CFAP77: variants seen among roughly 807,000 people sequenced by gnomAD.
CFAP77 encodes the protein cilia- and flagella-associated protein 77.
Under a neutral mutation model 31.1 loss-of-function variants are expected in CFAP77, and 25 were observed. The ratio of observed to expected loss-of-function variants is 0.80; its 90% CI spans 0.59 to 1.12. The LOEUF (loss-of-function observed/expected upper bound fraction) is 1.12. CFAP77 is among the 50% of genes most tolerant of loss of function. The pLI, the probability that CFAP77 is intolerant of heterozygous loss-of-function variation, is 0.00. For missense variants in CFAP77, 377 were observed against 397.3 expected (o/e 0.95, Z 0.44); for synonymous variants, 151 against 159.9 (o/e 0.94, Z 0.42).
At chr9:132,525,494 G>T (rs1852342794) in intron 3 of CFAP77, among the ~76,000 whole-genome samples, 1 of 152,124 alleles carries the variant, frequency 6.6e-6, no homozygotes, top group South Asian at 2.1e-4. Flanking sequence ...TCTTCACCCA[G>T]TTCCCCACAA....
chr9:132,544,161 C>T (rs971340052), intron 5 of CFAP77, among the ~76,000 whole-genome samples: 1 of 152,262 alleles, frequency 6.6e-6, no homozygotes, highest in Admixed American at 6.5e-5. Flanking sequence ...GCTCTGCCCC[C>T]CCTTGACGCG....
intron 3 of CFAP77, among the ~76,000 whole-genome samples, chr9:132,534,447 C>T (rs1173000038): frequency 6.6e-6 from 1 of 151,824 alleles, no homozygotes; most frequent in African/African-American, 2.4e-5. Context: ...CCCACCTCTA[C>T]TAAAAATATG....
At chr9:132,438,541 A>ATATATATATATATATATTT in intron 1 of CFAP77, among the ~76,000 whole-genome samples, 2 of 108,126 alleles carry the variant, frequency 1.8e-5, no homozygotes, top group Non-Finnish European at 3.6e-5. Context: ...ATATATATAT[A>ATATATATATATATATATTT]TTTTTTTTTT....
chr9:132,421,861 G>A (rs1314398444), intron 1 of CFAP77, among the ~76,000 whole-genome samples: 1 of 152,246 alleles, frequency 6.6e-6, no homozygotes, highest in Non-Finnish European at 1.5e-5. Context: ...CTCACTAGAT[G>A]TCTCTAAGCC....
intron 5 of CFAP77, among the ~76,000 whole-genome samples, chr9:132,559,722 G>T (rs1423931928): frequency 1.3e-5 from 2 of 152,140 alleles, no homozygotes; most frequent in Admixed American, 1.3e-4. Flanking sequence ...CACAAAAACT[G>T]TACATGAATG....
At chr9:132,550,044 C>T (rs1589921075) in intron 5 of CFAP77, among the ~76,000 whole-genome samples, 2 of 152,114 alleles carry the variant, frequency 1.3e-5, no homozygotes, top group Admixed American at 1.3e-4. Flanking sequence ...GGGGGAATAG[C>T]GGCCAAGTTC....
intron 1 of CFAP77, among the ~76,000 whole-genome samples, chr9:132,479,222 A>T (rs963395095): frequency 2.6e-5 from 4 of 152,200 alleles, no homozygotes; most frequent in Admixed American, 2.6e-4. Flanking sequence ...ATGGCATCTA[A>T]GAAGCCACCC....
At position 132,565,235 on chromosome 9, in the gene CFAP77, T is replaced by C. The variant is rs1198519559; in HGVS notation, c.733-7153T>C. Reference sequence around the variant, plus strand: ...CCTGGAATTCACCCCCATTCCTCCTTTGCCCCTTCCTTTGCCCCTGGCTTG... The same window carrying C: ...CCTGGAATTCACCCCCATTCCTCCTCTGCCCCTTCCTTTGCCCCTGGCTTG... On this transcript the variant is annotated intron_variant, in intron 5 of 5. Transcript: ENST00000393216. This position sits in a 1 kb window ranked among gnomAD's most constrained non-coding sequence, Gnocchi z 4.1. Among the ~76,000 whole-genome samples, 1 of 151,758 alleles carries C rather than the reference T, an allele frequency of 6.6e-6. No homozygotes were observed. The highest frequency in any genetic ancestry group is 1.5e-5 in the Non-Finnish European group (1 of 67,962).
intron 5 of CFAP77, among the ~76,000 whole-genome samples, chr9:132,549,742 G>A (rs1447858954): frequency 6.6e-6 from 1 of 152,174 alleles, no homozygotes; most frequent in Non-Finnish European, 1.5e-5. Context: ...GTGGGGCTGA[G>A]GCAGAAGAAT....
At chr9:132,520,527 C>T (rs1168290878) in intron 3 of CFAP77, among the ~76,000 whole-genome samples, 2 of 152,118 alleles carry the variant, frequency 1.3e-5, no homozygotes, top group South Asian at 2.1e-4. Flanking sequence ...GTGTTGTAGT[C>T]CCAGCTACTC....
At chr9:132,485,773 C>T (rs1851529948) in intron 1 of CFAP77, among the ~76,000 whole-genome samples, 1 of 151,564 alleles carries the variant, frequency 6.6e-6, no homozygotes, top group Admixed American at 6.6e-5. Flanking sequence ...AGCCTATTGT[C>T]CCCATAACAG....
chr9:132,537,707 G>A lies in CFAP77; in HGVS notation c.630+1G>A. ...CATCAAACTGGAGAAGAAGCAGAAG[G>A]TAAATGCAGCCCTCGCTCCCAAGTT... On this transcript the variant is annotated splice_donor_variant, in intron 4 of 5. Transcript: ENST00000393216. LOFTEE classifies it high-confidence loss of function. The A allele has an allele frequency of 1.2e-6, 2 of 1,611,486 alleles. No homozygotes were observed. The highest frequency in any genetic ancestry group is 1.7e-6 in the Non-Finnish European group (2 of 1,177,938).
At position 132,499,058 on chromosome 9, in the gene CFAP77, G is replaced by A. The variant is rs557874; in HGVS notation, c.295+264G>A. 0.21 allele frequency among the ~76,000 whole-genome samples: 31,465 copies of A among 152,158 alleles called. 3,389 individuals are homozygous for A. The highest frequency in any genetic ancestry group is 0.27 in the African/African-American group (11,031 of 41,506). ...CCCTTCCCCGCCGCCGGCAGGGACT[G>A]TGTGCACTATGCTGCTCACGTTACA... On this transcript the variant is annotated intron_variant, in intron 2 of 5. Coordinates refer to ENST00000393216, the MANE Select transcript of CFAP77 (RefSeq NM_001282957.2). The surrounding 1 kb of genome is among the most constrained non-coding windows in gnomAD (Gnocchi z 5.4).
chr9:132,532,204 C>A (rs1852465236), intron 3 of CFAP77, among the ~76,000 whole-genome samples: 1 of 152,204 alleles, frequency 6.6e-6, no homozygotes, highest in Non-Finnish European at 1.5e-5. Context: ...AACCTTTGCT[C>A]AGACAGAATC....
intron 3 of CFAP77, among the ~76,000 whole-genome samples, chr9:132,533,652 T>TG (rs1312112499): frequency 6.6e-6 from 1 of 152,114 alleles, no homozygotes; most frequent in Non-Finnish European, 1.5e-5. Flanking sequence ...GAGGCCAAGG[T>TG]GGGTGGATCA....
At chr9:132,561,934 C>T (rs1363722837) in intron 5 of CFAP77, among the ~76,000 whole-genome samples, 7 of 152,120 alleles carry the variant, frequency 4.6e-5, no homozygotes, top group Admixed American at 3.3e-4. Context: ...GGTGCCGCCT[C>T]GCAAGGAGGA....
At position 132,552,382 on chromosome 9, in the gene CFAP77, C is replaced by T. The variant is rs987754441; in HGVS notation, c.732+9335C>T. 1.3e-5 allele frequency among the ~76,000 whole-genome samples: 2 copies of T among 152,198 alleles called. No individual in the cohort carries two copies. Among genetic ancestry groups the T allele is most frequent in the Non-Finnish European group, 2.9e-5 (2 of 68,026 alleles). On this transcript the variant is annotated intron_variant, in intron 5 of 5. Transcript: ENST00000393216. The surrounding 1 kb of genome is among the most constrained non-coding windows in gnomAD (Gnocchi z 5.5). ...AAAACTTGGCTTTGCCTGGGATCCT[C>T]TGAGGAGATGTTTAAAATGCAGAGT...
intron 5 of CFAP77, among the ~76,000 whole-genome samples, chr9:132,553,549 T>C (rs1237803980): frequency 6.6e-6 from 1 of 152,240 alleles, no homozygotes; most frequent in Non-Finnish European, 1.5e-5. Flanking sequence ...ACCTTCCACC[T>C]CCTTGTTGTG....
At chr9:132,507,251 G>A (rs920693237) in intron 3 of CFAP77, among the ~76,000 whole-genome samples, 2 of 152,132 alleles carry the variant, frequency 1.3e-5, no homozygotes, top group African/African-American at 4.8e-5. Flanking sequence ...GTGCCTTTGC[G>A]GAGGAGGCCT....
Sources: allele counts gnomAD v4.1 joint callset (sites outside exome capture counted in the v4.1 genomes callset), GRCh38; gene constraint gnomAD v4.1.1; non-coding constraint Gnocchi (gnomAD v3.1); transcripts MANE v1.5; gene names NCBI Gene and HGNC (gene_info 2026-07-23, HGNC 2026-07-21).